Variants in ZBTB20 observed in about 807,000 individuals in gnomAD.
The protein encoded by ZBTB20 is zinc finger and BTB domain-containing protein 20.
ZBTB20 carries 9 observed loss-of-function variants against 56.9 expected under a neutral mutation model. The ratio of observed to expected loss-of-function variants is 0.16; its 90% CI spans 0.10 to 0.28. The LOEUF (loss-of-function observed/expected upper bound fraction) is 0.28. ZBTB20 is among the 10% of genes least tolerant of loss of function. The pLI is 1.00. For missense variants in ZBTB20, 655 were observed against 1,003.0 expected, an observed-to-expected ratio of 0.65 and a Z score of 4.69; for synonymous variants, 417 against 420.7, an observed-to-expected ratio of 0.99 and a Z score of 0.11.
At chr3:114,454,455 C>T (rs557079463) in intron 7 of ZBTB20, 1 of 151,412 alleles carries the variant, frequency 6.6e-6, no homozygotes, top group Non-Finnish European at 1.5e-5. Flanking sequence ...CTTCTCACGC[C>T]GCCCCTCTTA....
At chr3:114,675,116 T>A (rs1174918636) in intron 6 of ZBTB20, among the ~76,000 whole-genome samples, 1 of 150,106 alleles carries the variant, frequency 6.7e-6, no homozygotes, top group Non-Finnish European at 1.5e-5. Context: ...TTTTTAATTT[T>A]ATTTTATTTG....
intron 3 of ZBTB20, among the ~76,000 whole-genome samples, chr3:114,910,358 T>C (rs541019890): frequency 1.3e-4 from 20 of 151,582 alleles, no homozygotes; most frequent in African/African-American, 4.8e-4. Context: ...TATTTAAATA[T>C]AAAATTTAAT....
intron 10 of ZBTB20, among the ~76,000 whole-genome samples, chr3:114,374,373 C>T (rs1434625369): frequency 6.6e-6 from 1 of 152,196 alleles, no homozygotes; most frequent in African/African-American, 2.4e-5. Context: ...TACTGCTTAA[C>T]TGATACGGAA....
chr3:114,923,197 T>C (rs957133163), intron 3 of ZBTB20, among the ~76,000 whole-genome samples: 5 of 152,196 alleles, frequency 3.3e-5, no homozygotes, highest in Non-Finnish European at 7.4e-5. Context: ...ATTATAATGA[T>C]ATTTTTTACA....
chr3:115,063,448 G>A (rs139629147), intron 2 of ZBTB20, among the ~76,000 whole-genome samples: 2 of 152,248 alleles, frequency 1.3e-5, no homozygotes, highest in East Asian at 3.9e-4. Context: ...CAGAGTGGAA[G>A]CAAGCTTCTA....
chr3:114,807,742 T>C (rs924878173), intron 4 of ZBTB20, among the ~76,000 whole-genome samples: 1 of 152,120 alleles, frequency 6.6e-6, no homozygotes, highest in African/African-American at 2.4e-5. Flanking sequence ...TGTACATCTA[T>C]TGAAATGGTC....
chr3:114,732,185 T>C (rs553508053), intron 5 of ZBTB20, among the ~76,000 whole-genome samples: 1 of 152,312 alleles, frequency 6.6e-6, no homozygotes, highest in Admixed American at 6.5e-5. Context: ...ATACTTTCTG[T>C]AAATCAGAAG....
chr3:115,134,961 G>A (rs1471554218), intron 1 of ZBTB20, among the ~76,000 whole-genome samples: 1 of 152,144 alleles, frequency 6.6e-6, no homozygotes, highest in East Asian at 1.9e-4. Context: ...AGACAGAGAG[G>A]ACTCCACCAG....
intron 5 of ZBTB20, among the ~76,000 whole-genome samples, chr3:114,748,691 G>C (rs2067312116): frequency 6.6e-6 from 1 of 152,070 alleles, no homozygotes; most frequent in African/African-American, 2.4e-5. Context: ...CTGGTTTGAA[G>C]GCCAGTCTTC....
intron 6 of ZBTB20, among the ~76,000 whole-genome samples, chr3:114,689,152 T>A (rs528874018): frequency 6.6e-6 from 1 of 152,288 alleles, no homozygotes; most frequent in Non-Finnish European, 1.5e-5. Context: ...CCTTCACCAC[T>A]CTAGGTAGAG....
At chr3:114,508,003 T>C (rs2044848710) in intron 6 of ZBTB20, among the ~76,000 whole-genome samples, 1 of 152,136 alleles carries the variant, frequency 6.6e-6, no homozygotes. Flanking sequence ...AGTAAAACAG[T>C]CTAACAATTA....
intron 7 of ZBTB20, among the ~76,000 whole-genome samples, chr3:114,454,993 C>G (rs1276237158): frequency 4.4e-5 from 5 of 113,660 alleles, no homozygotes; most frequent in Admixed American, 9.6e-5. Context: ...GAGAGAGAGA[C>G]ACCAACCGAG....
intron 1 of ZBTB20, among the ~76,000 whole-genome samples, chr3:115,113,563 T>C (rs577032309): frequency 3.5e-4 from 53 of 152,186 alleles, no homozygotes; most frequent in Non-Finnish European, 6.8e-4. Flanking sequence ...GCAACACTGG[T>C]TATGCAAGTG....
At chr3:114,849,644 G>A (rs2074894376) in intron 4 of ZBTB20, among the ~76,000 whole-genome samples, 1 of 152,054 alleles carries the variant, frequency 6.6e-6, no homozygotes, top group South Asian at 2.1e-4. Context: ...TATATGCTTT[G>A]TATTGTTAAG....
chr3:114,967,043 C>A (rs2077676866), intron 3 of ZBTB20, among the ~76,000 whole-genome samples: 2 of 152,016 alleles, frequency 1.3e-5, no homozygotes, highest in Middle Eastern at 3.2e-3. Flanking sequence ...ATAATTTGAA[C>A]AAAACCAAGT....
At chr3:114,704,393 GTA>G (rs34993041) in intron 5 of ZBTB20, among the ~76,000 whole-genome samples, 26,413 of 149,944 alleles carry the variant, frequency 0.18, 2,470 homozygotes, top group Middle Eastern at 0.34. Context: ...CACACATACT[GTA>G]TATATATATA....
intron 1 of ZBTB20, among the ~76,000 whole-genome samples, chr3:115,085,491 T>C (rs115763290): frequency 0.014 from 2,107 of 152,040 alleles, 25 homozygotes; most frequent in Non-Finnish European, 0.024. Context: ...AAACAAGTCA[T>C]TTCATCTAAA....
At position 114,756,543 on chromosome 3, in the gene ZBTB20, G is replaced by C. The variant is rs188039252; in HGVS notation, c.-343+44558C>G. Among the ~76,000 whole-genome samples the C allele has an allele frequency of 3.8e-4, 58 of 152,228 alleles. 1 individual carries two copies. In the South Asian group the frequency reaches 0.01, roughly 27 times the overall value. On this transcript the variant is annotated intron_variant, in intron 5 of 11. Coordinates refer to ENST00000675478, the MANE Select transcript of ZBTB20 (RefSeq NM_001348800.3). ...TGTAAACAAATATAGAAGTATACAT[G>C]ATACATACACATACATTTTTTACTT...
At chr3:114,842,788 T>G (rs1408398182) in intron 4 of ZBTB20, among the ~76,000 whole-genome samples, 1 of 151,614 alleles carries the variant, frequency 6.6e-6, no homozygotes. Flanking sequence ...CTTGTATTTT[T>G]CAAAAAAGAA....
Sources: allele counts gnomAD v4.1 joint callset (sites outside exome capture counted in the v4.1 genomes callset), GRCh38; gene constraint gnomAD v4.1.1; transcripts MANE v1.5; gene names NCBI Gene and HGNC (gene_info 2026-07-23, HGNC 2026-07-21).